P2RX7: variants seen among roughly 807,000 people sequenced by gnomAD.
The protein encoded by P2RX7 is purinergic receptor P2X 7, also known as P2X purinoceptor 7.
P2RX7 carries 62 observed loss-of-function variants against 71.6 expected under a neutral mutation model. That is an observed-to-expected ratio of 0.87 (90% confidence interval 0.71 to 1.07). The LOEUF is 1.07. P2RX7 is among the 50% of genes least tolerant of loss of function. The probability of loss-of-function intolerance (pLI) is 0.00; values close to 1 mark genes in which losing one functional copy is unlikely to be tolerated. For synonymous variants in P2RX7, 299 were observed against 283.3 expected (o/e 1.06, Z -0.56); for missense variants, 686 against 748.5 (o/e 0.92, Z 0.97).
intron 1 of P2RX7, among the ~76,000 whole-genome samples, chr12:121,138,547 C>T (rs547642948): frequency 6.6e-6 from 1 of 152,240 alleles, no homozygotes; most frequent in South Asian, 2.1e-4. Context: ...GTGAGCCCTA[C>T]GTGAACCACA....
rs995738943 is a variant in P2RX7, at chr12:121,149,554, G to A, written c.126-5231G>A. 2.0e-5 allele frequency among the ~76,000 whole-genome samples: 3 copies of A among 152,096 alleles called. No individual in the cohort carries two copies. Among genetic ancestry groups the A allele is most frequent in the Non-Finnish European group, 1.5e-5 (1 of 68,028 alleles). On this transcript the variant is annotated intron_variant, in intron 1 of 12. Coordinates refer to ENST00000328963, the MANE Select transcript of P2RX7 (RefSeq NM_002562.6). The surrounding 1 kb of genome is among the most constrained non-coding windows in gnomAD (Gnocchi z 4.7). ...TCCCATGAGACTTACTCACTATCAC[G>A]AGAACAGTATGGGGGAAACTGCCCC... is the stretch of plus-strand genomic sequence containing the variant.
chr12:121,162,149 C>T (rs980316960), intron 4 of P2RX7: 1 of 1,001,020 alleles, frequency 1.0e-6, no homozygotes, highest in Non-Finnish European at 1.3e-6. Flanking sequence ...TTCCGCTCCC[C>T]TCATGGGCAC....
chr12:121,184,477 C>T lies in P2RX7; in HGVS notation c.1463C>T (p.Pro488Leu). ...GGAAGCTGCCTCCCATCTCAACTCC[C>T]TGAGAGCCACAGGTGCCTGGAGGAG... ...QCGSCLPSQLPESHRCLEELC... is the reference protein window; with the variant it reads ...QCGSCLPSQLLESHRCLEELC... Residue 488 changes from proline to leucine, a missense_variant, in exon 13 of 13, where the codon CCT (proline) becomes CTT (leucine). By Grantham distance (98) the Pro-to-Leu change is moderately conservative (BLOSUM62 -3). Transcript: ENST00000328963. 1 of 1,614,180 alleles carries T rather than the reference C, an allele frequency of 6.2e-7. No homozygotes were observed. Among genetic ancestry groups the T allele is most frequent in the Non-Finnish European group, 8.5e-7 (1 of 1,180,010 alleles).
chr12:121,186,979 T>C lies in P2RX7; in HGVS notation c.*2177T>C, dbSNP rs796746810. On this transcript the variant is annotated 3_prime_UTR_variant, in exon 13 of 13. Transcript: ENST00000328963. ...TTGCAGCCAATCAGAACTGACGCAGTCTGGGTGCTAGCTGCTTCAAAAGCA... is the reference window on the plus strand; with the variant it reads ...TTGCAGCCAATCAGAACTGACGCAGCCTGGGTGCTAGCTGCTTCAAAAGCA... 5 of 152,362 alleles carry C rather than the reference T, an allele frequency of 3.3e-5. No individual in the cohort carries two copies. The highest frequency in any genetic ancestry group is 1.2e-4 in the African/African-American group (5 of 41,582). 9.4% of individuals were successfully genotyped at this position (152,362 alleles called of 1,614,324 possible).
rs199743186 is a variant in P2RX7 at position 121,180,392 on chromosome 12, T to C, written c.1227T>C (p.Ile409=). 3 of 1,607,746 alleles carry C rather than the reference T, an allele frequency of 1.9e-6. No homozygotes were observed. Among genetic ancestry groups the C allele is most frequent in the Admixed American group, 1.7e-5 (1 of 59,244 alleles). The change falls in exon 12 of 13, where the codon ATT becomes ATC. Residue 409 remains isoleucine, a synonymous_variant. Transcript: ENST00000328963. ...KYVSFVDESH[I]RMVNQQLLGR... ...TGTCCTTTGTGGATGAATCCCACAT[T>C]AGGATGGTGAACCAGCAGCTACTAG...
rs781235683 is a variant in P2RX7, at chr12:121,132,983, T to G, written c.13T>G (p.Cys5Gly). The stretch of plus-strand genomic sequence containing the variant: ...GGAGGCTGTCACCATGCCGGCCTGC[T>G]GCAGCTGCAGTGATGTTTTCCAGTA... The part of the protein sequence containing the change: MPAC[C>G]SCSDVFQYET... Residue 5 changes from cysteine (C) to glycine (G), a missense_variant, in exon 1 of 13, where the codon TGC becomes GGC. Cys to Gly is a radical substitution (Grantham distance 159). Transcript: ENST00000328963. The G allele has an allele frequency of 6.2e-6, 10 of 1,613,758 alleles. No homozygotes were observed. Among genetic ancestry groups the G allele is most frequent in the Admixed American group, 1.7e-5 (1 of 59,996 alleles).
chr12:121,167,130 GA>G (rs1396890671), intron 7 of P2RX7, among the ~76,000 whole-genome samples: 1 of 151,888 alleles, frequency 6.6e-6, no homozygotes, highest in East Asian at 1.9e-4. Flanking sequence ...AGGTAAAGCA[GA>G]AAAGATATTT....
At position 121,184,964 on chromosome 12, in the gene P2RX7, A is replaced by G; in HGVS notation, c.*162A>G. The G allele has an allele frequency of 1.7e-6, 1 of 596,736 alleles. No individual in the cohort carries two copies. Among genetic ancestry groups the G allele is most frequent in the South Asian group, 2.1e-5 (1 of 46,910 alleles). 37.0% of individuals were successfully genotyped at this position (596,736 alleles called of 1,614,324 possible). A position where few individuals can be genotyped will look rare whatever the true frequency, so the allele number is the denominator to read the frequency against. On this transcript the variant is annotated 3_prime_UTR_variant, in exon 13 of 13. Coordinates refer to ENST00000328963, the MANE Select transcript of P2RX7 (RefSeq NM_002562.6). ...GCCAGACATGGTGGCATGCACCTGC[A>G]ATCCCAGCTACTCGGGAGGCTGAGG...
In P2RX7 at chr12:121,177,133, C is replaced by T. The variant is rs1883289491; in HGVS notation, c.973-14C>T. 1 of 1,612,458 alleles carries T rather than the reference C, an allele frequency of 6.2e-7. No homozygotes were observed. The highest frequency in any genetic ancestry group is 8.5e-7 in the Non-Finnish European group (1 of 1,178,636). ...TGAATTTCACCTGAGTAAACTCTCC[C>T]ACTCTGTTTTTAGGGAGGAAAATTT... is the stretch of plus-strand genomic sequence containing the variant. On this transcript the variant is annotated splice_polypyrimidine_tract_variant and intron_variant, in intron 9 of 12. Coordinates refer to ENST00000328963, the MANE Select transcript of P2RX7 (RefSeq NM_002562.6).
At chr12:121,165,810 C>T (rs1880892245) in intron 6 of P2RX7, among the ~76,000 whole-genome samples, 1 of 152,192 alleles carries the variant, frequency 6.6e-6, no homozygotes, top group Non-Finnish European at 1.5e-5. Context: ...GAGCAAGCAA[C>T]CAAGAGTATA....
At position 121,145,067 on chromosome 12, in the gene P2RX7, A is replaced by G. The variant is rs1230180936; in HGVS notation, c.126-9718A>G. Among the ~76,000 whole-genome samples, 4 of 152,216 alleles carry G rather than the reference A, an allele frequency of 2.6e-5. 1 individual carries two copies. The highest frequency in any genetic ancestry group is 1.9e-4 in the East Asian group (1 of 5,206). ...ATGTAGGTTTCTATATCACCAGCAT[A>G]TAGACGGCAACCAGAACCCTGGAAG... On this transcript the variant is annotated intron_variant, in intron 1 of 12. Transcript: ENST00000328963.
At chr12:121,163,208 A>G in intron 5 of P2RX7, among the ~76,000 whole-genome samples, 1 of 152,118 alleles carries the variant, frequency 6.6e-6, no homozygotes, top group Admixed American at 6.6e-5. Context: ...TCTGAGTTTC[A>G]GTGTCCTCAC....
chr12:121,181,448 A>G (rs138902242), intron 12 of P2RX7, among the ~76,000 whole-genome samples: 1 of 152,280 alleles, frequency 6.6e-6, no homozygotes, highest in East Asian at 1.9e-4. Context: ...TTTAGGAGAT[A>G]CTAACAAACG....
chr12:121,155,365 C>A lies in P2RX7; in HGVS notation c.294+412C>A, dbSNP rs138186189. The A allele has an allele frequency of 5.4e-4, 698 of 1,294,572 alleles. 3 individuals are homozygous for A. In the African/African-American group the frequency reaches 7.8e-3, roughly 14 times the overall value. 80.2% of individuals were successfully genotyped at this position (1,294,572 alleles called of 1,614,324 possible). A position where few individuals can be genotyped will look rare whatever the true frequency, so the allele number is the denominator to read the frequency against. ...CATCAACAAAAATGACTCCAGGAGA[C>A]CATTCTTGGGTACATTTTTCCACAA... On this transcript the variant is annotated intron_variant, in intron 2 of 12. Transcript: ENST00000328963.
intron 1 of P2RX7, among the ~76,000 whole-genome samples, chr12:121,136,914 G>A (rs924231485): frequency 4.6e-5 from 7 of 152,164 alleles, no homozygotes; most frequent in African/African-American, 1.7e-4. Flanking sequence ...CTCCCAAAGT[G>A]CTGGGATTAC....
chr12:121,162,713 A>G (rs1221282040), intron 5 of P2RX7, among the ~76,000 whole-genome samples, 193 bp downstream of exon 5: 1 of 152,092 alleles, frequency 6.6e-6, no homozygotes, highest in Non-Finnish European at 1.5e-5. Context: ...GTGGTTGGTA[A>G]ACTGTTGTAA....
At chr12:121,166,005 A>T (rs17526121) in intron 6 of P2RX7, 53 bp from the exon 7 acceptor site, 132,867 of 1,570,650 alleles carry the variant, frequency 0.085, 6,524 homozygotes, top group South Asian at 0.092. Context: ...AAAGAGACAG[A>T]TCTGTTTTCA....
In P2RX7 at chr12:121,184,344, C is replaced by A. The variant is rs752926873; in HGVS notation, c.1330C>A (p.Leu444Met). 2.5e-6 allele frequency: 4 copies of A among 1,613,696 alleles called. No individual in the cohort carries two copies. The highest frequency in any genetic ancestry group is 3.4e-6 in the Non-Finnish European group (4 of 1,179,782). ...MDFTDLSRLP[L>M]ALHDTPPIPG... ...CTTCACAGATTTGTCCAGGCTGCCC[C>A]TGGCCCTCCATGACACACCCCCGAT... The change falls in exon 13 of 13, where the codon CTG (leucine) becomes ATG (methionine). Residue 444 changes from leucine to methionine, a missense_variant. By Grantham distance (15) the Leu-to-Met change is conservative. Coordinates refer to ENST00000328963, the MANE Select transcript of P2RX7 (RefSeq NM_002562.6).
At chr12:121,176,112 C>T (rs544825973) in intron 9 of P2RX7, among the ~76,000 whole-genome samples, 32 of 152,212 alleles carry the variant, frequency 2.1e-4, no homozygotes, top group Admixed American at 1.4e-3. Context: ...GGATGACATG[C>T]CCACTGCTGA....
Sources: allele counts gnomAD v4.1 joint callset (sites outside exome capture counted in the v4.1 genomes callset), GRCh38; gene constraint gnomAD v4.1.1; non-coding constraint Gnocchi (gnomAD v3.1); transcripts MANE v1.5; gene names NCBI Gene and HGNC (gene_info 2026-07-23, HGNC 2026-07-21).